The following HECW1 variants were observed in gnomAD, a reference collection of about 807,000 sequenced individuals.
HECW1 encodes the protein E3 ubiquitin-protein ligase HECW1.
In HECW1, 61 loss-of-function variants were observed where a neutral mutation model predicts 182.3. That is an observed-to-expected ratio of 0.33 (90% CI 0.27 to 0.41). The LOEUF (loss-of-function observed/expected upper bound fraction) is 0.41, where lower values mean the gene tolerates loss of function less well. Among genes scored for constraint, HECW1 ranks in the 10% least tolerant of loss-of-function variants. HECW1 has a pLI of 1.00. For synonymous variants in HECW1, 859 were observed against 832.6 expected, an observed-to-expected ratio of 1.03 and a Z score of -0.55; for missense variants, 1,739 against 2,108.9, an observed-to-expected ratio of 0.82 and a Z score of 3.44.
chr7:43,230,883 T>A (rs1797823784), intron 2 of HECW1, among the ~76,000 whole-genome samples: 1 of 143,408 alleles, frequency 7.0e-6, no homozygotes, highest in East Asian at 2.1e-4. Flanking sequence ...TATGCCAAGA[T>A]TTAAAAAAAA....
intron 2 of HECW1, among the ~76,000 whole-genome samples, chr7:43,218,358 G>C (rs1796624143): frequency 6.6e-6 from 1 of 152,102 alleles, no homozygotes; most frequent in South Asian, 2.1e-4. Flanking sequence ...TAGAGCTCAG[G>C]GTATTTTTTT....
intron 3 of HECW1, among the ~76,000 whole-genome samples, chr7:43,273,857 C>CT (rs60032315): frequency 0.088 from 12,370 of 141,338 alleles, 658 homozygotes; most frequent in South Asian, 0.17. Context: ...AAATATGATT[C>CT]TTTTTTTTTT....
chr7:43,429,644 T>C (rs992299935), intron 8 of HECW1, among the ~76,000 whole-genome samples: 1 of 152,120 alleles, frequency 6.6e-6, no homozygotes, highest in African/African-American at 2.4e-5. Context: ...GAACTGAAAG[T>C]CACATACATT....
At chr7:43,297,243 TA>T (rs1562797999) in intron 3 of HECW1, among the ~76,000 whole-genome samples, 1 of 152,226 alleles carries the variant, frequency 6.6e-6, no homozygotes, top group African/African-American at 2.4e-5. Context: ...CTGAATTAGA[TA>T]CAGTCAGAGC....
At chr7:43,272,679 G>A (rs976916515) in intron 3 of HECW1, among the ~76,000 whole-genome samples, 1 of 152,170 alleles carries the variant, frequency 6.6e-6, no homozygotes, top group African/African-American at 2.4e-5. Context: ...ACAGATGATG[G>A]CATGGCTGTG....
intron 15 of HECW1, 46 bp from the exon 16 acceptor site, chr7:43,468,874 T>C: frequency 6.3e-7 from 1 of 1,575,348 alleles, no homozygotes; most frequent in East Asian, 2.2e-5. Flanking sequence ...CTCTATGTTT[T>C]TCCTAATTCC....
chr7:43,312,231 G>T, intron 4 of HECW1, 144 bp downstream of exon 4: 1 of 774,266 alleles, frequency 1.3e-6, no homozygotes, highest in East Asian at 2.7e-5. Flanking sequence ...ACTGTTGCAT[G>T]ACCTTGTTTT....
At chr7:43,557,063 G>A (rs2082051550) in intron 29 of HECW1, among the ~76,000 whole-genome samples, 2 of 145,210 alleles carry the variant, frequency 1.4e-5, no homozygotes, top group African/African-American at 5.0e-5. Context: ...ATCTCCTTTG[G>A]ACAATGTCTG....
At chr7:43,549,670 G>T (rs1033947365) in intron 26 of HECW1, among the ~76,000 whole-genome samples, 1 of 152,190 alleles carries the variant, frequency 6.6e-6, no homozygotes, top group Non-Finnish European at 1.5e-5. Flanking sequence ...CACACAAGTG[G>T]CAGCGCCATT....
chr7:43,561,981 A>G lies in HECW1; in HGVS notation c.*55A>G. The G allele has an allele frequency of 3.0e-6, 3 of 1,009,976 alleles. No homozygotes were observed. In the South Asian group the frequency reaches 3.9e-5, roughly 13 times the overall value. The allele number at this position is 1,009,976 out of a possible 1,614,324, so 62.6% of individuals were successfully genotyped here. On this transcript the variant is annotated 3_prime_UTR_variant, in exon 30 of 30. Transcript: ENST00000395891. ...GGCCAGTGACATCACCCTTCCTGGGATGATCCCCTTTTCCCTTTCCCTTAA... is the reference window on the plus strand; with the variant it reads ...GGCCAGTGACATCACCCTTCCTGGGGTGATCCCCTTTTCCCTTTCCCTTAA...
intron 24 of HECW1, among the ~76,000 whole-genome samples, chr7:43,538,759 C>T (rs1262966596): frequency 6.6e-6 from 1 of 152,178 alleles, no homozygotes; most frequent in Non-Finnish European, 1.5e-5. Flanking sequence ...TTGTAAATAA[C>T]GTGCCCTTTA....
chr7:43,557,287 C>G lies in HECW1; in HGVS notation c.4709+2497C>G, dbSNP rs528431353. Among the ~76,000 whole-genome samples the G allele has an allele frequency of 7.4e-4, 113 of 152,286 alleles. 1 individual carries two copies. Among genetic ancestry groups the G allele is most frequent in the African/African-American group, 2.5e-3 (105 of 41,554 alleles). ...TGGCCTGCACTCTGGGAGAGGCAGC[C>G]TTCAGCTCTTTCCTCAAGTCCTTCC... On this transcript the variant is annotated intron_variant, in intron 29 of 29. Transcript: ENST00000395891.
At chr7:43,213,274 T>C (rs1193590027) in intron 2 of HECW1, among the ~76,000 whole-genome samples, 1 of 152,106 alleles carries the variant, frequency 6.6e-6, no homozygotes, top group Non-Finnish European at 1.5e-5. Context: ...AGTTATTGAC[T>C]TGTAAATCAT....
chr7:43,270,954 T>C (rs1802336882), intron 3 of HECW1, among the ~76,000 whole-genome samples: 1 of 151,974 alleles, frequency 6.6e-6, no homozygotes, highest in African/African-American at 2.4e-5. Context: ...CTAAAGGACC[T>C]GAAAGATGGG....
At chr7:43,308,735 C>A (rs1054734677) in intron 3 of HECW1, among the ~76,000 whole-genome samples, 4 of 152,084 alleles carry the variant, frequency 2.6e-5, no homozygotes, top group African/African-American at 9.7e-5. Context: ...AATTCTCCTG[C>A]CTCAACCTCC....
chr7:43,158,681 CT>C (rs1790161964), intron 2 of HECW1, among the ~76,000 whole-genome samples: 3 of 152,212 alleles, frequency 2.0e-5, no homozygotes, highest in Admixed American at 2.0e-4. Flanking sequence ...TCCCCTCCCC[CT>C]TTCCATCTTG....
At chr7:43,410,790 T>C (rs959885511) in intron 8 of HECW1, among the ~76,000 whole-genome samples, 1 of 152,206 alleles carries the variant, frequency 6.6e-6, no homozygotes, top group Admixed American at 6.5e-5. Flanking sequence ...TTGTTTGGCA[T>C]AAAGTTGTTC....
chr7:43,113,436 C>A (rs1784790911), intron 1 of HECW1, among the ~76,000 whole-genome samples: 4 of 152,196 alleles, frequency 2.6e-5, no homozygotes, highest in Admixed American at 6.5e-5. Flanking sequence ...CCCAGAGCCT[C>A]CGCACGGGCT....
Position 43,445,135 on chromosome 7 carries a change from G to A in HECW1, c.1963G>A (p.Gly655Arg), listed in dbSNP as rs1328510661. The A allele has an allele frequency of 6.2e-6, 10 of 1,609,714 alleles. No individual in the cohort carries two copies. The highest frequency in any genetic ancestry group is 6.8e-6 in the Non-Finnish European group (8 of 1,178,766). The stretch of plus-strand genomic sequence containing the variant: ...GGATGGCGACACGCACCCCAGCACC[G>A]GGAGCGAGAGCGACTCCAGCCCCAG... ...AQDGDTHPSTGSESDSSPRQG... is the reference protein window; with the variant it reads ...AQDGDTHPSTRSESDSSPRQG... The change falls in exon 11 of 30, where the codon GGG becomes AGG. Residue 655 changes from glycine (G) to arginine (R), a missense_variant. This residue lies in a region of HECW1 where 971 missense variants were observed against 1,029.1 expected (regional missense o/e 0.94). Transcript: ENST00000395891.
Sources: gnomAD v4.1 joint callset for allele counts (sites outside exome capture counted in the v4.1 genomes callset) on GRCh38, gnomAD v4.1.1 for gene constraint, gnomAD v4.1.1 regional missense constraint, MANE v1.5 for transcripts, NCBI Gene and HGNC (gene_info 2026-07-23, HGNC 2026-07-21) for gene names.